IL16: variants seen among roughly 807,000 people sequenced by gnomAD.
The protein encoded by IL16 is interleukin 16.
IL16 carries 67 observed loss-of-function variants against 110.1 expected under a neutral mutation model. The ratio of observed to expected loss-of-function variants is 0.61; its 90% CI spans 0.50 to 0.75. The LOEUF (loss-of-function observed/expected upper bound fraction) is 0.75. IL16 is among the 30% of genes least tolerant of loss of function. The pLI, the probability that IL16 is intolerant of heterozygous loss-of-function variation, is 0.00. For synonymous variants in IL16, 689 were observed against 662.9 expected, an observed-to-expected ratio of 1.04 and a Z score of -0.61; for missense variants, 1,545 against 1,655.0, an observed-to-expected ratio of 0.93 and a Z score of 1.15.
chr15:81,233,983 CT>C (rs1356244971), intron 2 of IL16, among the ~76,000 whole-genome samples: 2 of 151,992 alleles, frequency 1.3e-5, no homozygotes, highest in African/African-American at 4.8e-5. Flanking sequence ...ACCTTTATAA[CT>C]TTTTATGTTT....
chr15:81,292,669 A>G lies in IL16; in HGVS notation c.1534A>G (p.Ser512Gly). The change falls in exon 12 of 19, where the codon AGT (serine) becomes GGT (glycine). Residue 512 changes from serine to glycine, a missense_variant. Transcript: ENST00000683961. ...RAQKVMIRSSSDSSYMSGSPG... is the reference protein window; with the variant it reads ...RAQKVMIRSSGDSSYMSGSPG... ...TCAGAAGGTCATGATCCGCTCCAGC[A>G]GTGACAGCAGCTACATGTCTGGGTC... The G allele has an allele frequency of 6.2e-7, 1 of 1,614,184 alleles. No individual in the cohort carries two copies. The highest frequency in any genetic ancestry group is 8.5e-7 in the Non-Finnish European group (1 of 1,180,016).
chr15:81,292,012 CA>C (rs1899741325), intron 11 of IL16: 2 of 455,572 alleles, frequency 4.4e-6, no homozygotes, highest in Non-Finnish European at 8.8e-6. Context: ...CTACCTGTGG[CA>C]GGGAGGGGAG....
chr15:81,195,407 T>C (rs1195254786), upstream of IL16, among the ~76,000 whole-genome samples: 3 of 152,098 alleles, frequency 2.0e-5, no homozygotes, highest in Non-Finnish European at 2.9e-5. Flanking sequence ...TGAGAGAGAT[T>C]GTGGGTGTGA....
At chr15:81,281,782 T>C (rs1439763114) in intron 8 of IL16, among the ~76,000 whole-genome samples, 1 of 152,262 alleles carries the variant, frequency 6.6e-6, no homozygotes, top group East Asian at 1.9e-4. Flanking sequence ...CTATACTTCA[T>C]CCATCAGCAA....
At chr15:81,184,172 C>G (rs557114919) in intron 1 of IL16, among the ~76,000 whole-genome samples, 1 of 152,212 alleles carries the variant, frequency 6.6e-6, no homozygotes, top group African/African-American at 2.4e-5. Context: ...GAGGGTGGGA[C>G]TTGACCTGGT....
At chr15:81,235,003 C>T (rs778759755) in intron 2 of IL16, among the ~76,000 whole-genome samples, 17 of 152,174 alleles carry the variant, frequency 1.1e-4, no homozygotes, top group Non-Finnish European at 1.8e-4. Context: ...TCTTGTACCA[C>T]TCTCAGCACT....
intron 6 of IL16, among the ~76,000 whole-genome samples, chr15:81,277,197 A>G (rs1360906693): frequency 1.3e-5 from 2 of 152,218 alleles, no homozygotes; most frequent in South Asian, 2.1e-4. Context: ...ATCAAAGAAG[A>G]AAAAGATGAG....
chr15:81,268,043 C>T (rs1567026776), intron 4 of IL16, among the ~76,000 whole-genome samples: 2 of 152,224 alleles, frequency 1.3e-5, no homozygotes, highest in African/African-American at 4.8e-5. Flanking sequence ...GTCTTCATAA[C>T]AGCCCTCCAA....
chr15:81,245,723 G>GTTTTTTT (rs1897517097), intron 2 of IL16, among the ~76,000 whole-genome samples: 8 of 78,662 alleles, frequency 1.0e-4, no homozygotes, highest in African/African-American at 5.1e-4. Flanking sequence ...TTTTGTTTTG[G>GTTTTTTT]CTTTTTTTTT....
intron 8 of IL16, 99 bp downstream of exon 8, chr15:81,279,873 A>C: frequency 9.7e-7 from 1 of 1,033,950 alleles, no homozygotes; most frequent in Non-Finnish European, 1.5e-6. Flanking sequence ...GTAGGGCAGG[A>C]TGTTGTCTTT....
At chr15:81,231,175 TATAACAATAAC>T (rs997768289) in intron 2 of IL16, among the ~76,000 whole-genome samples, 10 of 151,512 alleles carry the variant, frequency 6.6e-5, no homozygotes, top group African/African-American at 2.4e-4. Context: ...TATAACATAA[TATAACAATAAC>T]ATAACATAGC....
At chr15:81,293,096 G>A in intron 12 of IL16, 59 bp downstream of exon 12, 1 of 1,524,284 alleles carries the variant, frequency 6.6e-7, no homozygotes. Context: ...TCTTGAGCAT[G>A]GGCAAATTAG....
intron 2 of IL16, among the ~76,000 whole-genome samples, chr15:81,259,538 A>C (rs1898076488): frequency 6.6e-6 from 1 of 152,240 alleles, no homozygotes; most frequent in Non-Finnish European, 1.5e-5. Flanking sequence ...GTGTCGCATT[A>C]GTTTACTATT....
At chr15:81,248,679 C>G (rs1897652034) in intron 2 of IL16, among the ~76,000 whole-genome samples, 1 of 141,268 alleles carries the variant, frequency 7.1e-6, no homozygotes, top group South Asian at 2.3e-4. Context: ...TCTATTGATT[C>G]TGTTTCTAAT....
intron 16 of IL16, 159 bp from the exon 17 acceptor site, chr15:81,305,749 G>A: frequency 2.5e-6 from 2 of 801,948 alleles, no homozygotes. Flanking sequence ...AGGGAATGCT[G>A]GCCTCTGTGC....
chr15:81,306,251 A>G, intron 17 of IL16, 85 bp downstream of exon 17: 7 of 1,542,500 alleles, frequency 4.5e-6, no homozygotes, highest in Non-Finnish European at 6.1e-6. Context: ...CTACTCAGTA[A>G]TTTGTGACCC....
upstream of IL16, among the ~76,000 whole-genome samples, chr15:81,196,599 C>T (rs139646260): frequency 2.1e-3 from 327 of 152,246 alleles, 1 homozygote; most frequent in African/African-American, 7.0e-3. Context: ...TTGCAGGCAC[C>T]GAGTCATGTC....
intron 2 of IL16, among the ~76,000 whole-genome samples, chr15:81,228,571 G>A (rs1365572872): frequency 1.3e-5 from 2 of 152,024 alleles, no homozygotes; most frequent in South Asian, 2.1e-4. Flanking sequence ...TGATCTGCCC[G>A]CCTTGGCCTC....
At chr15:81,240,352 A>G (rs1431067782) in intron 2 of IL16, among the ~76,000 whole-genome samples, 1 of 151,994 alleles carries the variant, frequency 6.6e-6, no homozygotes, top group Non-Finnish European at 1.5e-5. Context: ...CATCTGTGCA[A>G]GTTCAGTAGA....
Sources: gnomAD v4.1 joint callset for allele counts (sites outside exome capture counted in the v4.1 genomes callset) on GRCh38, gnomAD v4.1.1 for gene constraint, MANE v1.5 for transcripts, NCBI Gene and HGNC (gene_info 2026-07-23, HGNC 2026-07-21) for gene names.